CUX2: variants seen among roughly 807,000 people sequenced by gnomAD.
CUX2 encodes homeobox protein cut-like 2.
A neutral mutation model predicts 144.8 loss-of-function variants in CUX2; 40 were observed. The ratio of observed to expected loss-of-function variants is 0.28; its 90% CI spans 0.21 to 0.36. The LOEUF (loss-of-function observed/expected upper bound fraction) is 0.36, where lower values mean the gene tolerates loss of function less well. Ranked by LOEUF, CUX2 falls within the 10% of genes least tolerant of loss-of-function variation. The pLI is 1.00. For missense variants in CUX2, 1,615 were observed against 1,994.0 expected, an observed-to-expected ratio of 0.81 and a Z score of 3.62; for synonymous variants, 827 against 875.6, an observed-to-expected ratio of 0.94 and a Z score of 0.98.
intron 1 of CUX2, among the ~76,000 whole-genome samples, chr12:111,044,040 T>G (rs1011104474): frequency 6.6e-6 from 1 of 152,178 alleles, no homozygotes; most frequent in Non-Finnish European, 1.5e-5. Flanking sequence ...GCTAACTCCA[T>G]GGTAGTCTAG....
intron 1 of CUX2, among the ~76,000 whole-genome samples, chr12:111,093,438 G>C (rs1872647573): frequency 6.6e-6 from 1 of 151,726 alleles, no homozygotes; most frequent in Non-Finnish European, 1.5e-5. Context: ...GTAAGTGCGT[G>C]TTTGCAACAA....
At chr12:111,105,416 A>C (rs1188249723) in intron 1 of CUX2, among the ~76,000 whole-genome samples, 1 of 152,234 alleles carries the variant, frequency 6.6e-6, no homozygotes, top group Non-Finnish European at 1.5e-5. Context: ...GGCTGACGGA[A>C]GAGGTGACTC....
Position 111,186,341 on chromosome 12 carries a change from AGGGGTGGACACTCCAT to A in CUX2, c.64-27854_64-27839del, listed in dbSNP as rs1444117149. 6.6e-6 allele frequency among the ~76,000 whole-genome samples: 1 copy of A among 152,176 alleles called. No individual in the cohort carries two copies. The highest frequency in any genetic ancestry group is 1.9e-4 in the East Asian group (1 of 5,186). ...GTGGTCCACCCAGGCCCCTGCCTTC[AGGGGTGGACACTCCAT>A]GGGGGACGCAGGTGCTGAGAAAGTG... On this transcript the variant is annotated intron_variant, in intron 1 of 21. Coordinates refer to ENST00000261726, the MANE Select transcript of CUX2 (RefSeq NM_015267.4). The surrounding 1 kb of genome is among the most constrained non-coding windows in gnomAD (Gnocchi z 4.4).
chr12:111,297,025 C>T (rs1886039283), intron 8 of CUX2, among the ~76,000 whole-genome samples: 1 of 144,696 alleles, frequency 6.9e-6, no homozygotes, highest in Non-Finnish European at 1.5e-5. Context: ...CCCTCTGACC[C>T]TCCCAGACAC....
chr12:111,175,092 T>C (rs939493778), intron 1 of CUX2, among the ~76,000 whole-genome samples: 16 of 152,184 alleles, frequency 1.1e-4, no homozygotes, highest in Admixed American at 6.5e-5. Flanking sequence ...ATGCAATCAA[T>C]TTTGTACATC....
chr12:111,047,015 T>C (rs1870028207), intron 1 of CUX2, among the ~76,000 whole-genome samples: 1 of 152,154 alleles, frequency 6.6e-6, no homozygotes, highest in Admixed American at 6.5e-5. Flanking sequence ...CTCATGGAAA[T>C]GGATTTGGGC....
intron 3 of CUX2, among the ~76,000 whole-genome samples, chr12:111,252,925 C>T (rs965316458): frequency 4.0e-5 from 6 of 151,748 alleles, no homozygotes; most frequent in African/African-American, 1.5e-4. Context: ...AATGATTATC[C>T]AGTTGTTAAA....
At chr12:111,288,388 TAG>T (rs1290226399) in intron 4 of CUX2, among the ~76,000 whole-genome samples, 1 of 151,864 alleles carries the variant, frequency 6.6e-6, no homozygotes, top group Non-Finnish European at 1.5e-5. Flanking sequence ...CACAGAGAGG[TAG>T]AGTCACTTGC....
At chr12:111,174,191 T>G (rs1255537659) in intron 1 of CUX2, among the ~76,000 whole-genome samples, 3 of 152,184 alleles carry the variant, frequency 2.0e-5, no homozygotes, top group Admixed American at 2.0e-4. Flanking sequence ...TGAAATGCCC[T>G]GTCTGGCTGC....
At chr12:111,306,570 A>G (rs1318241050) in intron 10 of CUX2, among the ~76,000 whole-genome samples, 3 of 152,096 alleles carry the variant, frequency 2.0e-5, no homozygotes, top group African/African-American at 4.8e-5. Context: ...TATTGCCTAG[A>G]ATGGGGACAT....
chr12:111,073,837 T>C (rs1235314683), intron 1 of CUX2, among the ~76,000 whole-genome samples: 2 of 151,944 alleles, frequency 1.3e-5, no homozygotes, highest in African/African-American at 4.9e-5. Context: ...GGCAAGCGCC[T>C]GTAGTTCTAG....
At chr12:111,070,356 C>T (rs1165520758) in intron 1 of CUX2, among the ~76,000 whole-genome samples, 1 of 150,714 alleles carries the variant, frequency 6.6e-6, no homozygotes, top group Admixed American at 6.6e-5. Flanking sequence ...TCCCTTCCCT[C>T]TCTCCCTCCC....
At chr12:111,141,226 C>G (rs1202270782) in intron 1 of CUX2, among the ~76,000 whole-genome samples, 1 of 137,598 alleles carries the variant, frequency 7.3e-6, no homozygotes, top group Non-Finnish European at 1.5e-5. Context: ...GGGCTTAGGT[C>G]AACACACACA....
intron 1 of CUX2, among the ~76,000 whole-genome samples, chr12:111,118,305 C>T (rs572661701): frequency 6.6e-6 from 1 of 152,292 alleles, no homozygotes; most frequent in South Asian, 2.1e-4. Flanking sequence ...CTATTATATG[C>T]TCTTTAAGGT....
chr12:111,162,606 T>C (rs1277432452), intron 1 of CUX2, among the ~76,000 whole-genome samples: 2 of 152,198 alleles, frequency 1.3e-5, no homozygotes, highest in African/African-American at 4.8e-5. Context: ...CAGAGGAAGC[T>C]CTGTGGGTAA....
intron 1 of CUX2, among the ~76,000 whole-genome samples, chr12:111,197,101 C>A (rs911924585): frequency 6.6e-5 from 10 of 152,134 alleles, no homozygotes; most frequent in African/African-American, 2.4e-4. Flanking sequence ...AATCCTAGCC[C>A]TGTTGCTTCC....
intron 4 of CUX2, among the ~76,000 whole-genome samples, chr12:111,266,427 C>T (rs967264646): frequency 1.4e-5 from 2 of 146,732 alleles, no homozygotes; most frequent in East Asian, 2.1e-4. Context: ...GCCGAGATCA[C>T]AACACTGCAC....
At position 111,312,166 on chromosome 12, in the gene CUX2, A is replaced by G. The variant is rs762231193; in HGVS notation, c.1967A>G (p.Glu656Gly). The G allele has an allele frequency of 2.5e-6, 4 of 1,612,004 alleles. No individual in the cohort carries two copies. In the South Asian group the frequency reaches 3.3e-5, roughly 13 times the overall value. The change falls in exon 16 of 22, where the codon GAG becomes GGG. Residue 656 changes from glutamate to glycine, a missense_variant. Around this residue, in one of 12 missense-constraint regions of CUX2, gnomAD observed 390 missense variants for 387.1 expected, o/e 1.01. Coordinates refer to ENST00000261726, the MANE Select transcript of CUX2 (RefSeq NM_015267.4). This position sits in a 1 kb window ranked among gnomAD's most constrained non-coding sequence, Gnocchi z 4.3. ...GSDDAIKSILEQAKKEIESQK... is the reference protein window; with the variant it reads ...GSDDAIKSILGQAKKEIESQK... ...GACGACGCCATCAAGAGCATTCTAG[A>G]GCAGGCCAAGAAGGAGATCGAGTCG...
intron 3 of CUX2, among the ~76,000 whole-genome samples, chr12:111,238,228 C>T (rs949585030): frequency 6.6e-6 from 1 of 152,234 alleles, no homozygotes; most frequent in African/African-American, 2.4e-5. Context: ...TGCCTAATTA[C>T]TCACATAGTA....
Sources: gnomAD v4.1 joint callset for allele counts (sites outside exome capture counted in the v4.1 genomes callset) on GRCh38, gnomAD v4.1.1 for gene constraint, gnomAD v4.1.1 regional missense constraint, Gnocchi (gnomAD v3.1) non-coding constraint, MANE v1.5 for transcripts, NCBI Gene and HGNC (gene_info 2026-07-23, HGNC 2026-07-21) for gene names.